The following DDX23 variants were observed in gnomAD, a reference collection of about 807,000 sequenced individuals.
DDX23 encodes the protein probable ATP-dependent RNA helicase DDX23.
Under a neutral mutation model 102.7 loss-of-function variants are expected in DDX23, and 33 were observed. That is an observed-to-expected ratio of 0.32 (90% CI 0.24 to 0.43). DDX23 has a LOEUF of 0.43. Among genes scored for constraint, DDX23 ranks in the 20% least tolerant of loss-of-function variants. The pLI is 1.00. For synonymous variants in DDX23, 352 were observed against 376.0 expected (o/e 0.94, Z 0.74); for missense variants, 549 against 1,086.6 (o/e 0.51, Z 6.96).
chr12:48,843,634 C>T (rs559190468), intron 3 of DDX23, among the ~76,000 whole-genome samples: 16 of 150,534 alleles, frequency 1.1e-4, no homozygotes, highest in African/African-American at 1.9e-4. Flanking sequence ...CTGCAGGCTC[C>T]GCCTCCCGGG....
chr12:48,851,219 C>T (rs1403560221), intron 1 of DDX23, among the ~76,000 whole-genome samples: 1 of 152,200 alleles, frequency 6.6e-6, no homozygotes, highest in Non-Finnish European at 1.5e-5. Flanking sequence ...CGCATGTAAT[C>T]CTAACACTTT....
Position 48,832,419 on chromosome 12 carries a change from T to G in DDX23, c.1955+3A>C. 6.2e-7 allele frequency: 1 copy of G among 1,612,552 alleles called. No individual in the cohort carries two copies. Among genetic ancestry groups the G allele is most frequent in the Non-Finnish European group, 8.5e-7 (1 of 1,178,720 alleles). On this transcript the variant is annotated splice_donor_region_variant and intron_variant, in intron 14 of 16. Coordinates refer to ENST00000308025, the MANE Select transcript of DDX23 (RefSeq NM_004818.3). The surrounding 1 kb of genome is among the most constrained non-coding windows in gnomAD (Gnocchi z 4.4). The stretch of plus-strand genomic sequence containing the variant: ...GTTTCCCCTGGCTCAGCTGCCCTCA[T>G]ACCTCTTTTCTGACTCTGACATGAG...
chr12:48,843,563 T>C (rs1181327865), intron 3 of DDX23, among the ~76,000 whole-genome samples: 25 of 148,290 alleles, frequency 1.7e-4, no homozygotes, highest in Non-Finnish European at 6.0e-5. Context: ...TTTTTTTTTT[T>C]TTTGAGACAG....
At chr12:48,837,783 A>G (rs1034066805) in intron 6 of DDX23, 126 bp from the exon 7 acceptor site, 127 of 1,530,910 alleles carry the variant, frequency 8.3e-5, no homozygotes, top group Admixed American at 1.0e-4. Context: ...TATGGGGTAA[A>G]TGGAGATCTA....
At position 48,832,216 on chromosome 12, in the gene DDX23, A is replaced by G; in HGVS notation, c.1956-30T>C. ...AAGGAAGAGGAGAAAAACAAGATGC[A>G]TAATACCTCCCACTCCAAGTGAAAT... On this transcript the variant is annotated intron_variant, in intron 14 of 16. Transcript: ENST00000308025. This position sits in a 1 kb window ranked among gnomAD's most constrained non-coding sequence, Gnocchi z 4.4. The G allele has an allele frequency of 6.2e-7, 1 of 1,609,722 alleles. No individual in the cohort carries two copies. Among genetic ancestry groups the G allele is most frequent in the East Asian group, 2.2e-5 (1 of 44,864 alleles).
intron 1 of DDX23, among the ~76,000 whole-genome samples, chr12:48,849,353 C>T (rs1358907253): frequency 6.6e-6 from 1 of 152,048 alleles, no homozygotes; most frequent in African/African-American, 2.4e-5. Context: ...TAAAATTTTA[C>T]ATTTATAAAC....
At chr12:48,842,908 T>C (rs1462699831) in intron 3 of DDX23, among the ~76,000 whole-genome samples, 1 of 151,400 alleles carries the variant, frequency 6.6e-6, no homozygotes, top group African/African-American at 2.4e-5. Flanking sequence ...CGTGTCTGTG[T>C]AGAAAGAGGT....
chr12:48,840,114 G>T lies in DDX23; in HGVS notation c.321-8C>A. ...CCTCGACCAGGAGATAAGCTTTGAG[G>T]AAAAGGAACAAGGTCCACATCACTC... On this transcript the variant is annotated splice_polypyrimidine_tract_variant and splice_region_variant and intron_variant, in intron 3 of 16. Transcript: ENST00000308025. 6.2e-7 allele frequency: 1 copy of T among 1,609,456 alleles called. No individual in the cohort carries two copies. The highest frequency in any genetic ancestry group is 8.5e-7 in the Non-Finnish European group (1 of 1,175,828).
chr12:48,850,640 C>T (rs1470920497), intron 1 of DDX23, among the ~76,000 whole-genome samples: 5 of 152,096 alleles, frequency 3.3e-5, no homozygotes, highest in Non-Finnish European at 7.4e-5. Flanking sequence ...GAGTTAGCCA[C>T]GGGATGAACC....
chr12:48,833,266 AG>A lies in DDX23; in HGVS notation c.1803+10del. The A allele has an allele frequency of 6.2e-7, 1 of 1,614,038 alleles. No homozygotes were observed. The highest frequency in any genetic ancestry group is 1.1e-5 in the South Asian group (1 of 91,070). On this transcript the variant is annotated intron_variant, in intron 13 of 16. Transcript: ENST00000308025. ...TGTCCAACTTTTCCCAGCCCAGGGA[AG>A]CAGCCTTACTTGGCGGTACTTATGT...
Position 48,832,755 on chromosome 12 carries a change from A to G in DDX23, c.1804-182T>C, listed in dbSNP as rs1231731939. ...CATCCTTCCTGAGTACCTGCTCATC[A>G]AGGCACTTTCCATCTTATGATGACA... On this transcript the variant is annotated intron_variant, in intron 13 of 16. Transcript: ENST00000308025. The surrounding 1 kb of genome is among the most constrained non-coding windows in gnomAD (Gnocchi z 4.4). 1 of 724,502 alleles carries G rather than the reference A, an allele frequency of 1.4e-6. No individual in the cohort carries two copies. Among genetic ancestry groups the G allele is most frequent in the African/African-American group, 1.8e-5 (1 of 56,130 alleles). 44.9% of individuals were successfully genotyped at this position (724,502 alleles called of 1,614,324 possible).
At chr12:48,846,759 C>T (rs1191153526) in intron 1 of DDX23, among the ~76,000 whole-genome samples, 2 of 151,758 alleles carry the variant, frequency 1.3e-5, no homozygotes, top group East Asian at 3.9e-4. Context: ...ATTGACATTC[C>T]CTATTCAGAT....
At chr12:48,835,401 C>T (rs1938455581) in intron 11 of DDX23, among the ~76,000 whole-genome samples, 1 of 151,972 alleles carries the variant, frequency 6.6e-6, no homozygotes, top group Non-Finnish European at 1.5e-5. Flanking sequence ...GGTGAAACCT[C>T]ATCTCTACTA....
intron 3 of DDX23, 67 bp downstream of exon 3, chr12:48,843,873 A>G: frequency 6.5e-7 from 1 of 1,549,724 alleles, no homozygotes; most frequent in Non-Finnish European, 8.9e-7. Context: ...TAAGAAGCTG[A>G]GCAAACTCAG....
chr12:48,842,469 C>T (rs1177469099), intron 3 of DDX23, among the ~76,000 whole-genome samples: 30 of 141,368 alleles, frequency 2.1e-4, no homozygotes, highest in African/African-American at 6.5e-4. Flanking sequence ...GCCCCCCGCC[C>T]GGCCAGCCAC....
chr12:48,830,714 A>G lies in DDX23; in HGVS notation c.2240-22T>C. 1.3e-6 allele frequency: 2 copies of G among 1,584,202 alleles called. No individual in the cohort carries two copies. The highest frequency in any genetic ancestry group is 1.7e-6 in the Non-Finnish European group (2 of 1,164,440). Reference sequence around the variant, plus strand: ...TAATCTGGGGAATGGGAAGAACGTCACTCAGCATAGCCCAGATGCCCTGGG... The same window carrying G: ...TAATCTGGGGAATGGGAAGAACGTCGCTCAGCATAGCCCAGATGCCCTGGG... On this transcript the variant is annotated intron_variant, in intron 16 of 16. Transcript: ENST00000308025. The surrounding 1 kb of genome is among the most constrained non-coding windows in gnomAD (Gnocchi z 4.9).
chr12:48,839,599 G>T (rs1439172340), intron 5 of DDX23: 13 of 332,126 alleles, frequency 3.9e-5, no homozygotes, highest in South Asian at 7.0e-5. Context: ...CTTTTAGGGT[G>T]AGCCCTAATC....
intron 5 of DDX23, 151 bp downstream of exon 5, chr12:48,839,693 C>T: frequency 1.4e-6 from 1 of 713,608 alleles, no homozygotes. Flanking sequence ...AGGAGAGAGA[C>T]CTCAGAAGAA....
intron 3 of DDX23, among the ~76,000 whole-genome samples, chr12:48,841,942 C>T (rs1399274490): frequency 9.3e-5 from 14 of 150,934 alleles, no homozygotes; most frequent in Middle Eastern, 3.5e-3. Context: ...ATGTGGGGAG[C>T]GCCTCTGCCC....
Sources: allele counts gnomAD v4.1 joint callset (sites outside exome capture counted in the v4.1 genomes callset), GRCh38; gene constraint gnomAD v4.1.1; non-coding constraint Gnocchi (gnomAD v3.1); transcripts MANE v1.5; gene names NCBI Gene and HGNC (gene_info 2026-07-23, HGNC 2026-07-21).